The following RBM7 variants were observed in gnomAD, a reference collection of about 807,000 sequenced individuals.
The protein encoded by RBM7 is RNA-binding protein 7.
Under a neutral mutation model 31.0 loss-of-function variants are expected in RBM7, and 13 were observed. The ratio of observed to expected loss-of-function variants is 0.42; its 90% CI spans 0.27 to 0.67. The LOEUF (loss-of-function observed/expected upper bound fraction) is 0.67, where lower values mean the gene tolerates loss of function less well. Among genes scored for constraint, RBM7 ranks in the 30% least tolerant of loss-of-function variants. The probability of loss-of-function intolerance (pLI) is 0.24; values close to 1 mark genes in which losing one functional copy is unlikely to be tolerated. For synonymous variants in RBM7, 106 were observed against 111.2 expected, an observed-to-expected ratio of 0.95 and a Z score of 0.30; for missense variants, 245 against 326.2, an observed-to-expected ratio of 0.75 and a Z score of 1.92.
rs879029123 is a variant in RBM7, at chr11:114,407,720, A to G, written c.717A>G (p.Glu239=). ...YRGKRDDFFY[E]DRNHDDWSHD... ...GAAAGAGAGATGATTTCTTCTATGA[A>G]GACAGGAATCATGATGACTGGAGCC... is the stretch of plus-strand genomic sequence containing the variant. Residue 239 remains glutamate (E), a synonymous_variant, in exon 5 of 5, where the codon GAA becomes GAG. Coordinates refer to ENST00000375490, the MANE Select transcript of RBM7 (RefSeq NM_001286045.2). The G allele has an allele frequency of 3.1e-6, 5 of 1,614,086 alleles. No homozygotes were observed. In the South Asian group the frequency reaches 5.5e-5, roughly 18 times the overall value.
chr11:114,402,822 T>C lies in RBM7; in HGVS notation c.260-6T>C. The C allele has an allele frequency of 6.2e-7, 1 of 1,606,308 alleles. No individual in the cohort carries two copies. The highest frequency in any genetic ancestry group is 8.5e-7 in the Non-Finnish European group (1 of 1,173,692). ...AAGAATAATTTTTCAAATTGTTTCA[T>C]TTTAGGAAGTAGTCATGCCCCACAA... On this transcript the variant is annotated splice_region_variant and splice_polypyrimidine_tract_variant and intron_variant, in intron 2 of 4. Coordinates refer to ENST00000375490, the MANE Select transcript of RBM7 (RefSeq NM_001286045.2).
In RBM7 at chr11:114,407,639, A is replaced by G. The variant is rs756649761; in HGVS notation, c.636A>G (p.Arg212=). The G allele has an allele frequency of 6.2e-7, 1 of 1,614,128 alleles. No homozygotes were observed. The highest frequency in any genetic ancestry group is 1.1e-5 in the South Asian group (1 of 91,084). Residue 212 remains arginine (R), a synonymous_variant, in exon 5 of 5, where the codon AGA becomes AGG. Transcript: ENST00000375490. ...ATTCTTATCCCTACCTAGCAGATAG[A>G]CATTATAGCCGGGAACAGCGTTACA... is the stretch of plus-strand genomic sequence containing the variant. ...RMNSYPYLAD[R]HYSREQRYTD...
Position 114,409,702 on chromosome 11 carries a change from C to T in RBM7, c.*1895C>T, listed in dbSNP as rs1004947073. On this transcript the variant is annotated 3_prime_UTR_variant, in exon 5 of 5. Coordinates refer to ENST00000375490, the MANE Select transcript of RBM7 (RefSeq NM_001286045.2). ...CTTTATTACAACGTTATCTGTGGGT[C>T]GGATCCTTTTATATTGGTTAACAGA... 2.0e-5 allele frequency: 3 copies of T among 152,058 alleles called. No individual in the cohort carries two copies. The highest frequency in any genetic ancestry group is 1.9e-4 in the East Asian group (1 of 5,190). 9.4% of individuals were successfully genotyped at this position (152,058 alleles called of 1,614,324 possible).
intron 4 of RBM7, 130 bp from the exon 5 acceptor site, chr11:114,407,315 G>A: frequency 3.6e-6 from 3 of 840,054 alleles, no homozygotes; most frequent in Non-Finnish European, 3.7e-6. Context: ...TGAAGCTATT[G>A]TACTGCTTTA....
In RBM7 at chr11:114,408,613, C is replaced by T. The variant is rs187549255; in HGVS notation, c.*806C>T. 6.5e-6 allele frequency: 1 copy of T among 152,702 alleles called. No homozygotes were observed. The highest frequency in any genetic ancestry group is 1.5e-5 in the Non-Finnish European group (1 of 67,996). 9.5% of individuals were successfully genotyped at this position (152,702 alleles called of 1,614,324 possible). ...AGATTCATGAAGCCTTTAAGTGCTG[C>T]TTCTGTCAGTCAAACGTTAAAAACT... is the stretch of plus-strand genomic sequence containing the variant. On this transcript the variant is annotated 3_prime_UTR_variant, in exon 5 of 5. Coordinates refer to ENST00000375490, the MANE Select transcript of RBM7 (RefSeq NM_001286045.2).
At chr11:114,402,576 T>C (rs1161358693) in intron 2 of RBM7, among the ~76,000 whole-genome samples, 1 of 151,654 alleles carries the variant, frequency 6.6e-6, no homozygotes, top group Non-Finnish European at 1.5e-5. Context: ...GCTAATTCTT[T>C]GTATTTTTAG....
Position 114,407,892 on chromosome 11 carries a change from T to A in RBM7, c.*85T>A. ...ATGGAAATATTTTGTTGAAAAACTG[T>A]ACAGAGCAGCTTTACAAGTTGTCAC... On this transcript the variant is annotated 3_prime_UTR_variant, in exon 5 of 5. Transcript: ENST00000375490. The A allele has an allele frequency of 7.1e-7, 1 of 1,412,094 alleles. No homozygotes were observed. The highest frequency in any genetic ancestry group is 2.3e-5 in the Admixed American group (1 of 42,786). 87.5% of individuals were successfully genotyped at this position (1,412,094 alleles called of 1,614,324 possible). A position where few individuals can be genotyped will look rare whatever the true frequency, so the allele number is the denominator to read the frequency against.
chr11:114,403,165 G>A (rs547060592), intron 3 of RBM7, among the ~76,000 whole-genome samples: 3 of 152,192 alleles, frequency 2.0e-5, no homozygotes, highest in South Asian at 2.1e-4. Context: ...GATTTGTAGC[G>A]ACATAACCAT....
rs370227257 is a variant in RBM7 at position 114,402,898 on chromosome 11, C to G, written c.330C>G (p.Thr110=). The change falls in exon 3 of 5, where the codon ACC becomes ACG. Residue 110 remains threonine, a synonymous_variant. Transcript: ENST00000375490. ...PQHHVGNSSP[T]STSPSSRYER... ...ATCATGTTGGAAATTCAAGCCCTAC[C>G]TCCACATCTCCTAGCAGGTAATATT... 6.2e-7 allele frequency: 1 copy of G among 1,608,384 alleles called. No individual in the cohort carries two copies. The highest frequency in any genetic ancestry group is 1.1e-5 in the South Asian group (1 of 90,942).
rs370227257 is a variant in RBM7, at chr11:114,402,898, C to T, written c.330C>T (p.Thr110=). 5 of 1,608,266 alleles carry T rather than the reference C, an allele frequency of 3.1e-6. No individual in the cohort carries two copies. The highest frequency in any genetic ancestry group is 2.7e-5 in the African/African-American group (2 of 74,774). Residue 110 remains threonine (T), a synonymous_variant, in exon 3 of 5, where the codon ACC becomes ACT. Transcript: ENST00000375490. ...ATCATGTTGGAAATTCAAGCCCTAC[C>T]TCCACATCTCCTAGCAGGTAATATT... ...PQHHVGNSSP[T]STSPSSRYER...
At chr11:114,400,857 CAG>C (rs975134559) in intron 1 of RBM7, 90 bp downstream of exon 1, 2 of 1,475,120 alleles carry the variant, frequency 1.4e-6, no homozygotes, top group African/African-American at 2.8e-5. Context: ...TCGTAGCCGT[CAG>C]GGGACCCGAC....
In RBM7 at chr11:114,400,714, G is replaced by A. The variant is rs749095109; in HGVS notation, c.43G>A (p.Gly15Ser). ...GGAAGCGGATCGCACTCTCTTTGTG[G>A]GCAACCTTGAAACGAAAGTGACCGA... ...AAEADRTLFVGNLETKVTEEL... is the reference protein window; with the variant it reads ...AAEADRTLFVSNLETKVTEEL... The change falls in exon 1 of 5, where the codon GGC (glycine) becomes AGC (serine). Residue 15 changes from glycine to serine, a missense_variant. Physicochemically the swap from Gly to Ser is moderately conservative, Grantham distance 56. Coordinates refer to ENST00000375490, the MANE Select transcript of RBM7 (RefSeq NM_001286045.2). 6.2e-7 allele frequency: 1 copy of A among 1,614,196 alleles called. No homozygotes were observed. Among genetic ancestry groups the A allele is most frequent in the Admixed American group, 1.7e-5 (1 of 60,034 alleles).
At chr11:114,400,978 G>A (rs1946191971) in intron 1 of RBM7, among the ~76,000 whole-genome samples, 1 of 152,126 alleles carries the variant, frequency 6.6e-6, no homozygotes, top group Non-Finnish European at 1.5e-5. Flanking sequence ...GACTAAAGGT[G>A]GTGGAGGGAT....
chr11:114,402,788 T>C, intron 2 of RBM7, 40 bp from the exon 3 acceptor site: 1 of 1,519,904 alleles, frequency 6.6e-7, no homozygotes, highest in Non-Finnish European at 9.1e-7. Flanking sequence ...TCAAATTAGA[T>C]TTTCTATCAA....
Position 114,406,784 on chromosome 11 carries a change from C to T in RBM7, c.442-661C>T, listed in dbSNP as rs144626527. On this transcript the variant is annotated intron_variant, in intron 4 of 4. Coordinates refer to ENST00000375490, the MANE Select transcript of RBM7 (RefSeq NM_001286045.2). The stretch of plus-strand genomic sequence containing the variant: ...CGGTGGCTAACGCCTGTAACCCCAG[C>T]ACTTTGGGAGGCTGAGGTGGGTGGA... 80 of 152,398 alleles carry T rather than the reference C, an allele frequency of 5.2e-4. No homozygotes were observed. The East Asian group carries it at 0.015, about 28-fold the overall frequency. 9.4% of individuals were successfully genotyped at this position (152,398 alleles called of 1,614,324 possible).
Position 114,408,637 on chromosome 11 carries a change from C to CT in RBM7, c.*833dup, listed in dbSNP as rs758764430. 1 of 152,526 alleles carries CT rather than the reference C, an allele frequency of 6.6e-6. No homozygotes were observed. 9.4% of individuals were successfully genotyped at this position (152,526 alleles called of 1,614,324 possible). On this transcript the variant is annotated 3_prime_UTR_variant, in exon 5 of 5. Transcript: ENST00000375490. ...GCTTCTGTCAGTCAAACGTTAAAAA[C>CT]TTTAACATTTTCAAAGTGCCCAGAC...
Position 114,408,101 on chromosome 11 carries a change from A to G in RBM7, c.*294A>G, listed in dbSNP as rs1281737583. On this transcript the variant is annotated 3_prime_UTR_variant, in exon 5 of 5. Coordinates refer to ENST00000375490, the MANE Select transcript of RBM7 (RefSeq NM_001286045.2). The stretch of plus-strand genomic sequence containing the variant: ...GGTGAAGTTGTATGATAAAGCAGAT[A>G]TTTTAATTATTTGTTATCTTTTTGT... 1 of 185,612 alleles carries G rather than the reference A, an allele frequency of 5.4e-6. No individual in the cohort carries two copies. The highest frequency in any genetic ancestry group is 1.3e-4 in the East Asian group (1 of 7,906). The allele number at this position is 185,612 out of a possible 1,614,324, so 11.5% of individuals were successfully genotyped here. A position where few individuals can be genotyped will look rare whatever the true frequency, so the allele number is the denominator to read the frequency against.
rs563414579 is a variant in RBM7, at chr11:114,407,182, G to GT, written c.442-257dup. 747 of 313,510 alleles carry GT rather than the reference G, an allele frequency of 2.4e-3. 13 individuals are homozygous for GT. The highest frequency in any genetic ancestry group is 4.0e-3 in the East Asian group (72 of 17,792). 19.4% of individuals were successfully genotyped at this position (313,510 alleles called of 1,614,324 possible). A position where few individuals can be genotyped will look rare whatever the true frequency, so the allele number is the denominator to read the frequency against. ...AATGATACTGATCTCCTGATTCTTT[G>GT]TTTTTTACACAGTGATTTTGCATTA... On this transcript the variant is annotated intron_variant, in intron 4 of 4. Transcript: ENST00000375490.
Position 114,408,059 on chromosome 11 carries a change from TAGACA to T in RBM7, c.*253_*257del, listed in dbSNP as rs754006158. The T allele has an allele frequency of 2.0e-5, 6 of 298,556 alleles. No individual in the cohort carries two copies. Among genetic ancestry groups the T allele is most frequent in the African/African-American group, 4.3e-5 (2 of 46,326 alleles). The allele number at this position is 298,556 out of a possible 1,614,324, so 18.5% of individuals were successfully genotyped here. ...AAAGTGCTACAATTCCTAATCATTT[TAGACA>T]CTTTAGGAGGGGGTGAAGTTGTATG... On this transcript the variant is annotated 3_prime_UTR_variant, in exon 5 of 5. Coordinates refer to ENST00000375490, the MANE Select transcript of RBM7 (RefSeq NM_001286045.2).
Sources: gnomAD v4.1 joint callset for allele counts (sites outside exome capture counted in the v4.1 genomes callset) on GRCh38, gnomAD v4.1.1 for gene constraint, MANE v1.5 for transcripts, NCBI Gene and HGNC (gene_info 2026-07-23, HGNC 2026-07-21) for gene names.